The following SAXO1 variants were observed in gnomAD, a reference collection of about 807,000 sequenced individuals.
The protein encoded by SAXO1 is 4930500O09Rik.
SAXO1 carries 21 observed loss-of-function variants against 17.5 expected under a neutral mutation model. The observed-to-expected ratio is 1.20, with a 90% CI of 0.85 to 1.72. SAXO1 has a LOEUF of 1.72. SAXO1 is among the 40% of genes most tolerant of loss of function. The pLI, the probability that SAXO1 is intolerant of heterozygous loss-of-function variation, is 0.00. For synonymous variants in SAXO1, 274 were observed against 216.5 expected (o/e 1.27, Z -2.33); for missense variants, 843 against 596.0 (o/e 1.41, Z -4.32).
At chr9:19,027,950 G>T (rs906057533) in intron 1 of SAXO1, 2 of 1,458,416 alleles carry the variant, frequency 1.4e-6, no homozygotes, top group African/African-American at 2.8e-5. Flanking sequence ...GTCCTGACGT[G>T]AACTGCGAGG....
chr9:18,929,101 C>T, intron 3 of SAXO1, 46 bp from the exon 4 acceptor site: 1 of 1,589,580 alleles, frequency 6.3e-7, no homozygotes, highest in East Asian at 2.2e-5. Context: ...TCAAGTCAAC[C>T]AACTTGCATA....
intron 1 of SAXO1, among the ~76,000 whole-genome samples, chr9:18,990,035 A>G (rs536316630): frequency 4.6e-5 from 7 of 152,298 alleles, no homozygotes; most frequent in African/African-American, 1.7e-4. Flanking sequence ...TTTATTTTGC[A>G]AAGGAGAGAG....
chr9:18,961,468 C>G (rs139845100), intron 1 of SAXO1, among the ~76,000 whole-genome samples: 149 of 152,280 alleles, frequency 9.8e-4, no homozygotes, highest in Non-Finnish European at 1.7e-3. Context: ...AGGTATTACT[C>G]CTAATGCTAT....
At chr9:18,932,605 G>C (rs962510137) in intron 3 of SAXO1, among the ~76,000 whole-genome samples, 6 of 152,168 alleles carry the variant, frequency 3.9e-5, no homozygotes, top group African/African-American at 1.4e-4. Flanking sequence ...GAATTGCATT[G>C]AATCTACAGA....
intron 1 of SAXO1, among the ~76,000 whole-genome samples, chr9:19,021,976 G>T (rs900085001): frequency 2.6e-5 from 4 of 152,232 alleles, no homozygotes; most frequent in African/African-American, 9.6e-5. Context: ...CTCAGCAGTG[G>T]CAACTGGGTC....
intron 1 of SAXO1, among the ~76,000 whole-genome samples, chr9:18,972,142 T>C (rs1471018982): frequency 1.3e-5 from 2 of 152,176 alleles, no homozygotes; most frequent in East Asian, 3.8e-4. Context: ...CTGGCAAAGT[T>C]CAAGGGAATG....
chr9:19,020,045 A>G (rs112514656), intron 1 of SAXO1, among the ~76,000 whole-genome samples: 2,423 of 148,778 alleles, frequency 0.016, 55 homozygotes, highest in African/African-American at 0.057. Context: ...AAAAGTGTCC[A>G]CGTGGAAAGC....
intron 1 of SAXO1, among the ~76,000 whole-genome samples, chr9:19,001,575 G>C (rs1428275665): frequency 6.6e-6 from 1 of 151,700 alleles, no homozygotes; most frequent in Non-Finnish European, 1.5e-5. Flanking sequence ...GCTGAGGCAG[G>C]AGAATGGCAT....
chr9:18,976,495 C>G (rs1005962581), intron 1 of SAXO1, among the ~76,000 whole-genome samples: 1 of 152,188 alleles, frequency 6.6e-6, no homozygotes, highest in Non-Finnish European at 1.5e-5. Context: ...AAGTGAAGTC[C>G]TGGGGTGCAC....
At chr9:19,011,745 T>A (rs1278798078) in intron 1 of SAXO1, among the ~76,000 whole-genome samples, 3 of 152,180 alleles carry the variant, frequency 2.0e-5, no homozygotes, top group South Asian at 2.1e-4. Flanking sequence ...AAAATCTAAG[T>A]ATGCCAATTA....
At chr9:19,005,717 G>A (rs1043049783) in intron 1 of SAXO1, among the ~76,000 whole-genome samples, 1 of 152,180 alleles carries the variant, frequency 6.6e-6, no homozygotes, top group African/African-American at 2.4e-5. Context: ...ATTGGATTTG[G>A]CAATGATTTC....
At chr9:19,021,266 G>T (rs1039500175) in intron 1 of SAXO1, among the ~76,000 whole-genome samples, 4 of 152,186 alleles carry the variant, frequency 2.6e-5, no homozygotes, top group Non-Finnish European at 5.9e-5. Flanking sequence ...TAGGGCTGGG[G>T]TAGCCACAGA....
Position 19,027,407 on chromosome 9 carries a change from G to A in SAXO1, c.38+5464C>T, listed in dbSNP as rs1177091366. 44 of 759,480 alleles carry A rather than the reference G, an allele frequency of 5.8e-5. No homozygotes were observed. In the Admixed American group the frequency reaches 6.7e-4, roughly 12 times the overall value. 47.0% of individuals were successfully genotyped at this position (759,480 alleles called of 1,614,324 possible). Reference sequence around the variant, plus strand: ...CCCACGGAGCAATACAGTGACACTGGGGGCTTGGACAAGCAGATCCAGGAA... The same window carrying A: ...CCCACGGAGCAATACAGTGACACTGAGGGCTTGGACAAGCAGATCCAGGAA... On this transcript the variant is annotated intron_variant, in intron 1 of 3. Transcript: ENST00000380534.
chr9:19,027,113 C>T (rs1195889395), intron 1 of SAXO1: 2 of 971,070 alleles, frequency 2.1e-6, no homozygotes, highest in Non-Finnish European at 3.3e-6. Context: ...TGTACCTTGT[C>T]TCCAACATCA....
intron 1 of SAXO1, among the ~76,000 whole-genome samples, chr9:18,961,114 C>T (rs1289846646): frequency 6.6e-6 from 1 of 151,434 alleles, no homozygotes; most frequent in Non-Finnish European, 1.5e-5. Context: ...GAAACAAATG[C>T]TAAAGTATTT....
intron 3 of SAXO1, among the ~76,000 whole-genome samples, chr9:18,941,099 T>C (rs542967062): frequency 6.6e-6 from 1 of 152,220 alleles, no homozygotes; most frequent in Non-Finnish European, 1.5e-5. Flanking sequence ...TACATTTTGA[T>C]ATATTTTTTA....
chr9:18,995,262 T>C (rs1833956340), intron 1 of SAXO1, among the ~76,000 whole-genome samples: 1 of 152,174 alleles, frequency 6.6e-6, no homozygotes, highest in Non-Finnish European at 1.5e-5. Context: ...ATATTAATCC[T>C]CTCCTTTCTA....
At chr9:19,029,063 C>T (rs1835642703) in intron 1 of SAXO1, among the ~76,000 whole-genome samples, 1 of 152,176 alleles carries the variant, frequency 6.6e-6, no homozygotes, top group South Asian at 2.1e-4. Context: ...AATATAAGAA[C>T]TTGCTCCAAG....
intron 1 of SAXO1, among the ~76,000 whole-genome samples, chr9:18,979,413 C>A (rs1213362648): frequency 6.6e-6 from 1 of 152,298 alleles, no homozygotes; most frequent in East Asian, 1.9e-4. Flanking sequence ...GAGAATGGGT[C>A]AGATTTTACA....
Sources: allele counts gnomAD v4.1 joint callset (sites outside exome capture counted in the v4.1 genomes callset), GRCh38; gene constraint gnomAD v4.1.1; transcripts MANE v1.5; gene names NCBI Gene and HGNC (gene_info 2026-07-23, HGNC 2026-07-21).